Variants in PLEKHA7 observed in about 807,000 individuals in gnomAD.
PLEKHA7 encodes pleckstrin homology domain-containing family A member 7.
PLEKHA7 carries 104 observed loss-of-function variants against 170.0 expected under a neutral mutation model. That is an observed-to-expected ratio of 0.61 (90% CI 0.52 to 0.72). The LOEUF (loss-of-function observed/expected upper bound fraction) is 0.72, where lower values mean the gene tolerates loss of function less well. Among genes scored for constraint, PLEKHA7 ranks in the 30% least tolerant of loss-of-function variants. The probability of loss-of-function intolerance (pLI) is 0.00; values close to 1 mark genes in which losing one functional copy is unlikely to be tolerated. For synonymous variants in PLEKHA7, 648 were observed against 660.8 expected (o/e 0.98, Z 0.30); for missense variants, 1,615 against 1,671.7 (o/e 0.97, Z 0.59).
At chr11:16,886,592 T>A (rs985457544) in intron 3 of PLEKHA7, among the ~76,000 whole-genome samples, 3 of 151,796 alleles carry the variant, frequency 2.0e-5, no homozygotes, top group East Asian at 3.9e-4. Flanking sequence ...GCACCTGTAA[T>A]CTCATCTACT....
chr11:16,826,627 C>A, intron 9 of PLEKHA7, 37 bp from the exon 10 acceptor site: 2 of 1,553,090 alleles, frequency 1.3e-6, no homozygotes, highest in South Asian at 1.2e-5. Context: ...TGCTCCACAG[C>A]CAAGACTCCA....
chr11:16,868,152 G>A (rs931755808), intron 4 of PLEKHA7, among the ~76,000 whole-genome samples: 1 of 152,118 alleles, frequency 6.6e-6, no homozygotes, highest in Non-Finnish European at 1.5e-5. Flanking sequence ...CCTAAGCCAG[G>A]TTAGAGTCCC....
At chr11:16,782,435 A>C (rs1054156578) in intron 26 of PLEKHA7, among the ~76,000 whole-genome samples, 2 of 152,156 alleles carry the variant, frequency 1.3e-5, no homozygotes, top group African/African-American at 4.8e-5. Context: ...CAGCACCTTG[A>C]AAAACCTGTT....
At chr11:17,005,696 T>C (rs909355848) in intron 3 of PLEKHA7, among the ~76,000 whole-genome samples, 1 of 152,184 alleles carries the variant, frequency 6.6e-6, no homozygotes, top group African/African-American at 2.4e-5. Flanking sequence ...AAAAGCAACT[T>C]GCAACCATTT....
chr11:16,905,660 G>C (rs1857610127), intron 3 of PLEKHA7, among the ~76,000 whole-genome samples: 1 of 152,146 alleles, frequency 6.6e-6, no homozygotes, highest in African/African-American at 2.4e-5. Context: ...GAAATGACTG[G>C]AGAGGGAGAT....
At chr11:16,856,379 A>C (rs1285208605) in intron 4 of PLEKHA7, among the ~76,000 whole-genome samples, 1 of 152,204 alleles carries the variant, frequency 6.6e-6, no homozygotes, top group Non-Finnish European at 1.5e-5. Context: ...CCACACCCCC[A>C]GCTACACACA....
At chr11:16,944,253 C>A (rs1293581602) in intron 3 of PLEKHA7, among the ~76,000 whole-genome samples, 4 of 152,238 alleles carry the variant, frequency 2.6e-5, no homozygotes, top group African/African-American at 2.4e-5. Flanking sequence ...ACTTAGTAGG[C>A]TGAGGCAGGA....
intron 3 of PLEKHA7, among the ~76,000 whole-genome samples, chr11:16,923,403 C>T (rs947044981): frequency 2.6e-5 from 4 of 152,166 alleles, no homozygotes; most frequent in African/African-American, 9.7e-5. Context: ...ATGGAGTGTA[C>T]ACACCGCAAA....
chr11:16,796,685 G>T (rs1287937378), intron 17 of PLEKHA7, among the ~76,000 whole-genome samples: 1 of 152,130 alleles, frequency 6.6e-6, no homozygotes, highest in East Asian at 1.9e-4. Flanking sequence ...TTGAGATAGG[G>T]TCACTTTGTT....
intron 3 of PLEKHA7, among the ~76,000 whole-genome samples, chr11:16,988,686 T>C (rs897233234): frequency 1.3e-5 from 2 of 152,192 alleles, no homozygotes; most frequent in African/African-American, 4.8e-5. Context: ...CCTCAGGTCA[T>C]CCACCCACCT....
intron 3 of PLEKHA7, among the ~76,000 whole-genome samples, chr11:16,908,875 C>T (rs577874709): frequency 1.3e-4 from 20 of 152,280 alleles, no homozygotes; most frequent in Non-Finnish European, 1.9e-4. Context: ...AACACAGGGA[C>T]ATCAAATGCT....
At chr11:16,982,911 C>T (rs1031143445) in intron 3 of PLEKHA7, among the ~76,000 whole-genome samples, 8 of 152,156 alleles carry the variant, frequency 5.3e-5, no homozygotes, top group African/African-American at 1.7e-4. Flanking sequence ...CACACTATTT[C>T]GAGACACTGC....
At chr11:16,823,729 AT>A (rs1850419857) in intron 10 of PLEKHA7, among the ~76,000 whole-genome samples, 1 of 152,134 alleles carries the variant, frequency 6.6e-6, no homozygotes, top group Admixed American at 6.5e-5. Flanking sequence ...GGAAATCCTG[AT>A]TTCCCCCAAC....
chr11:16,854,558 C>G (rs1238779200), intron 6 of PLEKHA7, among the ~76,000 whole-genome samples: 1 of 152,146 alleles, frequency 6.6e-6, no homozygotes, highest in East Asian at 1.9e-4. Flanking sequence ...CTCTTTGACA[C>G]CAGGAAGGCA....
chr11:16,854,490 C>T (rs1853261614), intron 6 of PLEKHA7, among the ~76,000 whole-genome samples: 1 of 152,140 alleles, frequency 6.6e-6, no homozygotes, highest in Admixed American at 6.5e-5. Context: ...GGTGGATATG[C>T]ATGCTAGACA....
At chr11:16,990,296 A>C (rs1056031118) in intron 3 of PLEKHA7, among the ~76,000 whole-genome samples, 2 of 150,058 alleles carry the variant, frequency 1.3e-5, no homozygotes, top group South Asian at 2.1e-4. Flanking sequence ...AAAAAAAAAA[A>C]AAACTTCTCC....
At chr11:16,976,297 G>A (rs1863059222) in intron 3 of PLEKHA7, among the ~76,000 whole-genome samples, 1 of 152,236 alleles carries the variant, frequency 6.6e-6, no homozygotes, top group Non-Finnish European at 1.5e-5. Flanking sequence ...AAATTCTGAT[G>A]GGGGCTCCCT....
intron 3 of PLEKHA7, among the ~76,000 whole-genome samples, chr11:16,897,665 TC>T (rs1410434585): frequency 6.6e-6 from 1 of 152,182 alleles, no homozygotes; most frequent in Non-Finnish European, 1.5e-5. Context: ...GGCTGGTAGT[TC>T]CTAATTACTT....
chr11:16,780,493 TCA>T (rs1848941009), intron 26 of PLEKHA7, among the ~76,000 whole-genome samples: 1 of 152,212 alleles, frequency 6.6e-6, no homozygotes, highest in Non-Finnish European at 1.5e-5. Flanking sequence ...TCACTGGGCC[TCA>T]GTTTCCTCAT....
Sources: allele counts gnomAD v4.1 joint callset (sites outside exome capture counted in the v4.1 genomes callset), GRCh38; gene constraint gnomAD v4.1.1; transcripts MANE v1.5; gene names NCBI Gene and HGNC (gene_info 2026-07-23, HGNC 2026-07-21).